The following MRPS9 variants were observed in gnomAD, a reference collection of about 807,000 sequenced individuals.
The protein encoded by MRPS9 is small ribosomal subunit protein uS9m.
A neutral mutation model predicts 59.9 loss-of-function variants in MRPS9; 45 were observed. The observed-to-expected ratio is 0.75, with a 90% CI of 0.59 to 0.96. The LOEUF (loss-of-function observed/expected upper bound fraction) is 0.96, where lower values mean the gene tolerates loss of function less well. Among genes scored for constraint, MRPS9 ranks in the 40% least tolerant of loss-of-function variants. The probability of loss-of-function intolerance (pLI) is 0.00; values close to 1 mark genes in which losing one functional copy is unlikely to be tolerated. For synonymous variants in MRPS9, 171 were observed against 166.8 expected, an observed-to-expected ratio of 1.03 and a Z score of -0.19; for missense variants, 473 against 481.1, an observed-to-expected ratio of 0.98 and a Z score of 0.16.
intron 7 of MRPS9, chr2:105,091,303 C>T (rs969764494): frequency 6.4e-6 from 3 of 470,838 alleles, no homozygotes; most frequent in African/African-American, 6.0e-5. Context: ...TGAGTTCCAC[C>T]CATAGTGCCC....
intron 5 of MRPS9, among the ~76,000 whole-genome samples, chr2:105,081,261 G>A (rs1464327252): frequency 2.0e-5 from 3 of 152,214 alleles, no homozygotes; most frequent in Admixed American, 2.0e-4. Context: ...GCAATGCTGC[G>A]TTTTAGCTGT....
intron 5 of MRPS9, among the ~76,000 whole-genome samples, chr2:105,086,590 C>T (rs181757865): frequency 6.6e-5 from 10 of 152,198 alleles, no homozygotes; most frequent in Admixed American, 4.6e-4. Flanking sequence ...CCCTTGTAAG[C>T]GGAGGAGGGT....
intron 5 of MRPS9, among the ~76,000 whole-genome samples, chr2:105,087,952 A>G (rs1030483074): frequency 6.6e-6 from 1 of 152,156 alleles, no homozygotes; most frequent in African/African-American, 2.4e-5. Context: ...TATCAGCAAC[A>G]TTATGTGGTA....
chr2:105,096,888 T>G lies in MRPS9; in HGVS notation c.930-267T>G, dbSNP rs142725908. ...ATTATTTTCAAGCTTTGAAAAGATCTTCTGAGATAAAGGGGATCAGCAAAC... is the reference window on the plus strand; with the variant it reads ...ATTATTTTCAAGCTTTGAAAAGATCGTCTGAGATAAAGGGGATCAGCAAAC... On this transcript the variant is annotated intron_variant, in intron 9 of 10. Transcript: ENST00000258455. Among the ~76,000 whole-genome samples the G allele has an allele frequency of 2.4e-3, 369 of 152,288 alleles. 2 individuals carry two copies. Among genetic ancestry groups the G allele is most frequent in the Admixed American group, 0.019 (294 of 15,300 alleles).
chr2:105,040,937 A>G (rs186609142), intron 1 of MRPS9, among the ~76,000 whole-genome samples: 15 of 152,332 alleles, frequency 9.8e-5, no homozygotes, highest in South Asian at 8.3e-4. Flanking sequence ...AAGCTATTCT[A>G]TTCAAGGAAG....
intron 4 of MRPS9, among the ~76,000 whole-genome samples, chr2:105,078,004 T>G (rs73945032): frequency 0.22 from 32,890 of 152,024 alleles, 3,629 homozygotes; most frequent in Middle Eastern, 0.35. Flanking sequence ...AGTAATGAAG[T>G]AAGCTCATCA....
At chr2:105,053,279 A>C (rs992106819) in intron 2 of MRPS9, among the ~76,000 whole-genome samples, 3 of 152,182 alleles carry the variant, frequency 2.0e-5, no homozygotes, top group African/African-American at 7.2e-5. Context: ...ATGAGGACTT[A>C]ATTTATATAG....
At chr2:105,095,758 A>G (rs942251984) in intron 9 of MRPS9, among the ~76,000 whole-genome samples, 9 of 151,904 alleles carry the variant, frequency 5.9e-5, no homozygotes, top group Admixed American at 5.9e-4. Context: ...CGGCCTCCCA[A>G]AGTGCTGGGA....
In MRPS9 at chr2:105,045,714, G is replaced by A. The variant is rs567140301; in HGVS notation, c.136-3457G>A. 1.1e-4 allele frequency among the ~76,000 whole-genome samples: 17 copies of A among 149,448 alleles called. No homozygotes were observed. In the South Asian group the frequency reaches 1.5e-3, roughly 13 times the overall value. ...AACTAAATAGCACATTGAATATACC[G>A]ATGAAACATACAAAAGAAACCAACC... On this transcript the variant is annotated intron_variant, in intron 1 of 10. Transcript: ENST00000258455.
Position 105,092,504 on chromosome 2 carries a change from C to A in MRPS9, c.755C>A (p.Ser252Ter). Residue 252 changes from serine to a stop codon, truncating the protein, a stop_gained, in exon 8 of 11, where the codon TCA (serine) becomes TAA (stop). Transcript: ENST00000258455. LOFTEE classifies it high-confidence loss of function. Reference protein sequence around the residue: ...QRFRRSVTLESKKQLIEPVQY... With the variant: ...QRFRRSVTLE ...TTTCGAAGAAGTGTAACTCTTGAAT[C>A]AAAAAAACAGCTGATTGAACCTGTA... The A allele has an allele frequency of 6.2e-7, 1 of 1,613,360 alleles. No individual in the cohort carries two copies. The highest frequency in any genetic ancestry group is 1.3e-5 in the African/African-American group (1 of 74,914).
At chr2:105,077,452 A>G (rs1000965723) in intron 4 of MRPS9, among the ~76,000 whole-genome samples, 1 of 151,890 alleles carries the variant, frequency 6.6e-6, no homozygotes, top group African/African-American at 2.4e-5. Flanking sequence ...TAGTTGTGCT[A>G]GTAGAGGTGT....
intron 4 of MRPS9, among the ~76,000 whole-genome samples, chr2:105,072,178 C>G (rs1680127441): frequency 6.6e-6 from 1 of 152,154 alleles, no homozygotes; most frequent in South Asian, 2.1e-4. Context: ...AAAATGTAAC[C>G]TGTACTTACC....
chr2:105,073,028 T>G (rs1014810264), intron 4 of MRPS9, among the ~76,000 whole-genome samples: 1 of 152,194 alleles, frequency 6.6e-6, no homozygotes, highest in African/African-American at 2.4e-5. Flanking sequence ...AGTAAAACTA[T>G]GCACAGGGCA....
intron 2 of MRPS9, among the ~76,000 whole-genome samples, chr2:105,068,945 G>T (rs563224001): frequency 6.6e-6 from 1 of 152,074 alleles, no homozygotes; most frequent in Non-Finnish European, 1.5e-5. Context: ...GTATCTTCTG[G>T]GTAAATTCAT....
intron 5 of MRPS9, among the ~76,000 whole-genome samples, chr2:105,081,027 G>A (rs1447038440): frequency 6.6e-6 from 1 of 152,212 alleles, no homozygotes; most frequent in Non-Finnish European, 1.5e-5. Context: ...GAGTAATGGA[G>A]CTGCGGCTCC....
rs181051419 is a variant in MRPS9 at position 105,090,672 on chromosome 2, A to T, written c.651+677A>T. ...CTTATTTTGTTAAATGTTCTAATAT[A>T]TCAACATTTTCACAGGACAGTTGAT... On this transcript the variant is annotated intron_variant, in intron 7 of 10. Transcript: ENST00000258455. 3.3e-5 allele frequency among the ~76,000 whole-genome samples: 5 copies of T among 152,316 alleles called. No individual in the cohort carries two copies. In the East Asian group the frequency reaches 9.7e-4, roughly 29 times the overall value.
chr2:105,061,596 C>T (rs551322137), intron 2 of MRPS9, among the ~76,000 whole-genome samples: 2 of 152,150 alleles, frequency 1.3e-5, no homozygotes, highest in Non-Finnish European at 2.9e-5. Flanking sequence ...CATCACTACC[C>T]GCAGCAGGTT....
chr2:105,088,495 T>C (rs954583445), intron 5 of MRPS9, among the ~76,000 whole-genome samples: 1 of 152,014 alleles, frequency 6.6e-6, no homozygotes, highest in Non-Finnish European at 1.5e-5. Flanking sequence ...ATAAAAACTA[T>C]ATGATAAGGA....
Position 105,089,989 on chromosome 2 carries a change from T to C in MRPS9, c.645T>C (p.Asp215=). 1 of 1,591,044 alleles carries C rather than the reference T, an allele frequency of 6.3e-7. No individual in the cohort carries two copies. The highest frequency in any genetic ancestry group is 1.7e-5 in the Admixed American group (1 of 58,748). The change falls in exon 7 of 11, where the codon GAT becomes GAC. Residue 215 remains aspartate (D), a synonymous_variant. Transcript: ENST00000258455. The part of the protein sequence containing the change: ...LEEMLVEKLS[D]LDYMQFIRLL... Reference sequence around the variant, plus strand: ...AAATGTTAGTGGAAAAACTGTCAGATCTAGATGTGAGTAATTAATCTTTTT... The same window carrying C: ...AAATGTTAGTGGAAAAACTGTCAGACCTAGATGTGAGTAATTAATCTTTTT...
Sources: allele counts gnomAD v4.1 joint callset (sites outside exome capture counted in the v4.1 genomes callset), GRCh38; gene constraint gnomAD v4.1.1; transcripts MANE v1.5; gene names NCBI Gene and HGNC (gene_info 2026-07-23, HGNC 2026-07-21).